Variants in FAM13C observed in about 807,000 individuals in gnomAD.
FAM13C encodes family with sequence similarity 13 member C.
FAM13C carries 37 observed loss-of-function variants against 73.2 expected under a neutral mutation model. The ratio of observed to expected loss-of-function variants is 0.51; its 90% CI spans 0.39 to 0.67. The LOEUF is 0.67. Ranked by LOEUF, FAM13C falls within the 30% of genes least tolerant of loss-of-function variation. FAM13C has a pLI of 0.00. For synonymous variants in FAM13C, 246 were observed against 260.9 expected (o/e 0.94, Z 0.55); for missense variants, 589 against 715.6 (o/e 0.82, Z 2.02).
chr10:59,356,761 G>A (rs562818546), intron 1 of FAM13C, among the ~76,000 whole-genome samples: 4 of 152,324 alleles, frequency 2.6e-5, no homozygotes, highest in Admixed American at 2.6e-4. Context: ...ATTCCTGGGT[G>A]TGTCTGTGAG....
chr10:59,318,458 T>A (rs2133984179), intron 4 of FAM13C, among the ~76,000 whole-genome samples: 1 of 152,202 alleles, frequency 6.6e-6, no homozygotes, highest in South Asian at 2.1e-4. Context: ...GTCTAATGTT[T>A]TAAATATCTA....
intron 3 of FAM13C, among the ~76,000 whole-genome samples, chr10:59,333,577 T>C (rs940902242): frequency 6.6e-6 from 1 of 152,198 alleles, no homozygotes; most frequent in Non-Finnish European, 1.5e-5. Flanking sequence ...CTTTTATTCC[T>C]TTTTTGGGGG....
intron 8 of FAM13C, among the ~76,000 whole-genome samples, chr10:59,265,335 G>GGGGGGGGGA (rs78422182): frequency 4.4e-4 from 7 of 16,058 alleles, no homozygotes; most frequent in South Asian, 1.8e-3. Context: ...GGGGGGGGGG[G>GGGGGGGGGA]AATCCTGGTT....
At chr10:59,332,059 G>A (rs573654434) in intron 3 of FAM13C, among the ~76,000 whole-genome samples, 4 of 152,092 alleles carry the variant, frequency 2.6e-5, no homozygotes, top group Non-Finnish European at 5.9e-5. Context: ...CACAAGTGAG[G>A]TAACACAATT....
At chr10:59,343,129 G>C (rs979185149) in intron 3 of FAM13C, among the ~76,000 whole-genome samples, 1 of 152,150 alleles carries the variant, frequency 6.6e-6, no homozygotes, top group African/African-American at 2.4e-5. Flanking sequence ...GCAAGACCAC[G>C]ATTATTCCTA....
At chr10:59,264,220 G>A in intron 8 of FAM13C, 54 bp from the exon 9 acceptor site, 2 of 1,210,154 alleles carry the variant, frequency 1.7e-6, no homozygotes, top group South Asian at 1.2e-5. Flanking sequence ...GGGAGAGGGT[G>A]GGGGAGAAAA....
intron 6 of FAM13C, among the ~76,000 whole-genome samples, chr10:59,273,475 A>G (rs1843959013): frequency 6.6e-6 from 1 of 152,130 alleles, no homozygotes; most frequent in South Asian, 2.1e-4. Context: ...CTGAGTCCCT[A>G]TTTATAAAAA....
Position 59,246,401 on chromosome 10 carries a change from TAA to T in FAM13C, c.*1211_*1212del, listed in dbSNP as rs1467091711. ...CAGAGAAAACAATAAGCCTCTGAAA[TAA>T]GTCTGTTTCTGAAATAGTCAATAGT... On this transcript the variant is annotated 3_prime_UTR_variant, in exon 14 of 14. Coordinates refer to ENST00000618804, the MANE Select transcript of FAM13C (RefSeq NM_198215.4). 1 of 332,864 alleles carries T rather than the reference TAA, an allele frequency of 3.0e-6. No individual in the cohort carries two copies. The highest frequency in any genetic ancestry group is 2.1e-5 in the African/African-American group (1 of 47,368). The allele number at this position is 332,864 out of a possible 1,614,324, so 20.6% of individuals were successfully genotyped here. A position where few individuals can be genotyped will look rare whatever the true frequency, so the allele number is the denominator to read the frequency against.
intron 2 of FAM13C, among the ~76,000 whole-genome samples, chr10:59,353,657 G>C (rs902084583): frequency 6.6e-6 from 1 of 152,186 alleles, no homozygotes; most frequent in African/African-American, 2.4e-5. Flanking sequence ...GCTGGCATCA[G>C]GAAGGATGAG....
chr10:59,315,512 G>A (rs1477564806), intron 4 of FAM13C, among the ~76,000 whole-genome samples: 1 of 152,032 alleles, frequency 6.6e-6, no homozygotes, highest in African/African-American at 2.4e-5. Context: ...AGAAAATCTG[G>A]GGGCTATTTG....
intron 8 of FAM13C, among the ~76,000 whole-genome samples, chr10:59,267,223 C>A (rs535945561): frequency 2.0e-5 from 3 of 152,220 alleles, no homozygotes; most frequent in Non-Finnish European, 2.9e-5. Flanking sequence ...TCCAGTAACA[C>A]GCCAGCAGCA....
intron 6 of FAM13C, among the ~76,000 whole-genome samples, chr10:59,276,605 T>C (rs1246482552): frequency 1.3e-5 from 2 of 152,228 alleles, no homozygotes; most frequent in African/African-American, 4.8e-5. Context: ...ACTATCTTTC[T>C]GAGCTAGGCA....
chr10:59,357,165 T>C (rs957833651), intron 1 of FAM13C, among the ~76,000 whole-genome samples: 33 of 152,282 alleles, frequency 2.2e-4, no homozygotes, highest in Non-Finnish European at 2.9e-5. Context: ...ATCATGTGAG[T>C]CCACTCTCCT....
At chr10:59,344,284 CT>C (rs112317127) in intron 3 of FAM13C, among the ~76,000 whole-genome samples, 18,104 of 120,268 alleles carry the variant, frequency 0.15, 1,232 homozygotes, top group East Asian at 0.36. Context: ...TTCTTTTTTT[CT>C]TTTTTTTTTT....
chr10:59,306,437 G>A (rs1029081345), intron 4 of FAM13C, among the ~76,000 whole-genome samples: 1 of 152,150 alleles, frequency 6.6e-6, no homozygotes, highest in African/African-American at 2.4e-5. Context: ...GTCCAGTGTT[G>A]TGGAAACAAT....
chr10:59,261,201 T>C lies in FAM13C; in HGVS notation c.1236+1233A>G, dbSNP rs550348903. The stretch of plus-strand genomic sequence containing the variant: ...CACTGACTGTCACAGAAGTATAGAA[T>C]CTTGGTAGGCTTAGGGATAGGATGG... On this transcript the variant is annotated intron_variant, in intron 10 of 13. Transcript: ENST00000618804. 2.4e-3 allele frequency among the ~76,000 whole-genome samples: 360 copies of C among 152,282 alleles called. 2 individuals are homozygous for C. The highest frequency in any genetic ancestry group is 4.3e-3 in the Non-Finnish European group (295 of 68,020).
intron 4 of FAM13C, among the ~76,000 whole-genome samples, chr10:59,304,043 G>T (rs1847922818): frequency 6.6e-6 from 1 of 152,122 alleles, no homozygotes; most frequent in Admixed American, 6.5e-5. Flanking sequence ...AGCTACTTGG[G>T]AGGCTGAGGC....
intron 3 of FAM13C, among the ~76,000 whole-genome samples, chr10:59,344,567 C>G (rs1444679348): frequency 6.6e-6 from 1 of 152,140 alleles, no homozygotes; most frequent in African/African-American, 2.4e-5. Context: ...CAGGCTTGAG[C>G]CATCACGCCC....
intron 4 of FAM13C, among the ~76,000 whole-genome samples, chr10:59,307,729 T>C (rs1360463153): frequency 8.5e-5 from 13 of 152,122 alleles, no homozygotes; most frequent in Admixed American, 7.2e-4. Context: ...CTAAGTATTA[T>C]GGAGAAAAAG....
Sources: gnomAD v4.1 joint callset for allele counts (sites outside exome capture counted in the v4.1 genomes callset) on GRCh38, gnomAD v4.1.1 for gene constraint, MANE v1.5 for transcripts, NCBI Gene and HGNC (gene_info 2026-07-23, HGNC 2026-07-21) for gene names.